Variants in LARGE1 observed in about 807,000 individuals in gnomAD.
LARGE1 encodes xylosyl- and glucuronyltransferase LARGE1.
LARGE1 carries 43 observed loss-of-function variants against 87.6 expected under a neutral mutation model. The observed-to-expected ratio is 0.49, with a 90% CI of 0.38 to 0.63. The LOEUF (loss-of-function observed/expected upper bound fraction) is 0.63. Among genes scored for constraint, LARGE1 ranks in the 30% least tolerant of loss-of-function variants. LARGE1 has a pLI of 0.00. For synonymous variants in LARGE1, 434 were observed against 394.6 expected, an observed-to-expected ratio of 1.10 and a Z score of -1.18; for missense variants, 802 against 1,000.2, an observed-to-expected ratio of 0.80 and a Z score of 2.67.
intron 9 of LARGE1, among the ~76,000 whole-genome samples, chr22:33,347,975 A>T (rs1939945524): frequency 6.6e-6 from 1 of 152,144 alleles, no homozygotes; most frequent in Admixed American, 6.5e-5. Context: ...CAGAACCTCT[A>T]TGGGGGAAGG....
intron 6 of LARGE1, among the ~76,000 whole-genome samples, chr22:33,529,440 T>G (rs1485343801): frequency 6.6e-6 from 1 of 152,220 alleles, no homozygotes; most frequent in African/African-American, 2.4e-5. Context: ...CCAATGGGGA[T>G]GCTAAAGCAA....
intron 6 of LARGE1, among the ~76,000 whole-genome samples, chr22:33,510,785 C>T (rs1240740022): frequency 3.3e-5 from 5 of 152,144 alleles, no homozygotes; most frequent in African/African-American, 1.2e-4. Flanking sequence ...CAGAGTTTCA[C>T]TATGTTGCCC....
intron 1 of LARGE1, among the ~76,000 whole-genome samples, chr22:33,775,322 C>A (rs899874002): frequency 1.8e-4 from 28 of 152,230 alleles, no homozygotes; most frequent in African/African-American, 6.5e-4. Context: ...ACCTTTCCAG[C>A]TTCATACCCT....
chr22:33,391,815 G>T (rs1327125852), intron 7 of LARGE1, among the ~76,000 whole-genome samples: 1 of 146,018 alleles, frequency 6.8e-6, no homozygotes, highest in African/African-American at 2.6e-5. Context: ...TGTCGCTCAG[G>T]CAGGAGTGCA....
At chr22:33,708,871 T>C (rs12165903) in intron 2 of LARGE1, among the ~76,000 whole-genome samples, 3,058 of 152,260 alleles carry the variant, frequency 0.02, 97 homozygotes, top group African/African-American at 0.069. Context: ...AGTGCTGGGA[T>C]TACAGGCGCG....
At chr22:33,392,110 G>T (rs1401100795) in intron 7 of LARGE1, among the ~76,000 whole-genome samples, 5 of 150,482 alleles carry the variant, frequency 3.3e-5, no homozygotes, top group African/African-American at 9.8e-5. Context: ...CACATCCTCA[G>T]AGTGACACAG....
chr22:33,172,574 G>A (rs2213457), intron 11 of LARGE1, among the ~76,000 whole-genome samples: 2 of 151,806 alleles, frequency 1.3e-5, no homozygotes, highest in Admixed American at 6.6e-5. Flanking sequence ...ATTTTTTCTG[G>A]ATATTGTCTA....
chr22:33,831,308 A>G (rs2062960402), intron 1 of LARGE1, among the ~76,000 whole-genome samples: 1 of 152,130 alleles, frequency 6.6e-6, no homozygotes. Flanking sequence ...AGTGTCAAGG[A>G]AAGAATTCGT....
At chr22:33,602,652 G>T (rs557391946) in intron 5 of LARGE1, among the ~76,000 whole-genome samples, 2 of 152,064 alleles carry the variant, frequency 1.3e-5, no homozygotes, top group Admixed American at 1.3e-4. Flanking sequence ...CTGACTACAG[G>T]TGTGTGCCGT....
intron 6 of LARGE1, among the ~76,000 whole-genome samples, chr22:33,440,997 C>T (rs1006207676): frequency 1.3e-4 from 20 of 151,566 alleles, no homozygotes; most frequent in Non-Finnish European, 2.4e-4. Flanking sequence ...AAAACCAAAA[C>T]TCTGGCTTGA....
At chr22:33,425,992 C>T (rs184088775) in intron 7 of LARGE1, among the ~76,000 whole-genome samples, 102 of 152,252 alleles carry the variant, frequency 6.7e-4, no homozygotes, top group African/African-American at 1.6e-3. Context: ...GTGATCCACC[C>T]GCTTCGGCCT....
intron 7 of LARGE1, among the ~76,000 whole-genome samples, chr22:33,428,787 G>A (rs867739379): frequency 8.8e-5 from 13 of 148,458 alleles, no homozygotes; most frequent in African/African-American, 2.2e-4. Flanking sequence ...AAAATTAGCC[G>A]GGCGTGGTGG....
At chr22:33,290,351 A>G (rs1932314275) in intron 12 of LARGE1, among the ~76,000 whole-genome samples, 1 of 152,196 alleles carries the variant, frequency 6.6e-6, no homozygotes, top group African/African-American at 2.4e-5. Context: ...AGTGGTTCAC[A>G]TTCTAGAGGC....
At chr22:33,851,146 C>T (rs963599628) in intron 1 of LARGE1, among the ~76,000 whole-genome samples, 2 of 152,198 alleles carry the variant, frequency 1.3e-5, no homozygotes, top group Non-Finnish European at 2.9e-5. Context: ...AAGTTAACTA[C>T]CATGTGAGAT....
intron 1 of LARGE1, among the ~76,000 whole-genome samples, chr22:33,797,175 T>A (rs907305000): frequency 1.3e-5 from 2 of 152,076 alleles, no homozygotes; most frequent in Non-Finnish European, 2.9e-5. Context: ...TGGCTAGGTA[T>A]GTAAGTTGGC....
At chr22:33,470,376 C>G (rs575021011) in intron 6 of LARGE1, among the ~76,000 whole-genome samples, 1 of 152,326 alleles carries the variant, frequency 6.6e-6, no homozygotes, top group South Asian at 2.1e-4. Flanking sequence ...CAACCCTAAA[C>G]TCCTTGGCTT....
At chr22:33,914,978 T>C (rs945119717) in intron 1 of LARGE1, among the ~76,000 whole-genome samples, 2 of 150,190 alleles carry the variant, frequency 1.3e-5, no homozygotes, top group African/African-American at 4.9e-5. Context: ...AACATAGGGA[T>C]GGATGATAGA....
chr22:33,320,204 C>T (rs887142686), intron 10 of LARGE1, among the ~76,000 whole-genome samples: 2 of 152,150 alleles, frequency 1.3e-5, no homozygotes, highest in African/African-American at 4.8e-5. Flanking sequence ...CCATCACCCC[C>T]ACACTCTGTG....
At chr22:33,208,686 T>C (rs760283845) in intron 11 of LARGE1, among the ~76,000 whole-genome samples, 2 of 152,192 alleles carry the variant, frequency 1.3e-5, no homozygotes, top group Non-Finnish European at 2.9e-5. Flanking sequence ...ACCTGTCATC[T>C]ACATTAGGTA....
Sources: gnomAD v4.1 joint callset for allele counts (sites outside exome capture counted in the v4.1 genomes callset) on GRCh38, gnomAD v4.1.1 for gene constraint, MANE v1.5 for transcripts, NCBI Gene and HGNC (gene_info 2026-07-23, HGNC 2026-07-21) for gene names.